Variants in SRGAP2C observed in about 807,000 individuals in gnomAD.
The protein encoded by SRGAP2C is SLIT-ROBO Rho GTPase-activating protein 2C.
Under a neutral mutation model 25.1 loss-of-function variants are expected in SRGAP2C, and 15 were observed. The ratio of observed to expected loss-of-function variants is 0.60; its 90% CI spans 0.40 to 0.92. SRGAP2C has a LOEUF of 0.92. Ranked by LOEUF, SRGAP2C falls within the 40% of genes least tolerant of loss-of-function variation. The pLI is 0.00. For synonymous variants in SRGAP2C, 44 were observed against 96.6 expected, an observed-to-expected ratio of 0.46 and a Z score of 3.19; for missense variants, 144 against 264.4, an observed-to-expected ratio of 0.54 and a Z score of 3.16.
intron 2 of SRGAP2C, among the ~76,000 whole-genome samples, chr1:121,201,829 C>T (rs1385709464): frequency 1.3e-5 from 2 of 152,182 alleles, no homozygotes; most frequent in African/African-American, 2.4e-5. Flanking sequence ...AAAGCAACTG[C>T]GTGTACTTTT....
At chr1:121,244,294 T>G (rs1656189044) in intron 2 of SRGAP2C, among the ~76,000 whole-genome samples, 1 of 117,206 alleles carries the variant, frequency 8.5e-6, no homozygotes, top group Admixed American at 8.6e-5. Context: ...TTTGTTCGCA[T>G]GTATTACTTT....
intron 4 of SRGAP2C, among the ~76,000 whole-genome samples, chr1:121,340,777 A>G (rs1658635399): frequency 6.6e-6 from 1 of 151,292 alleles, no homozygotes; most frequent in Non-Finnish European, 1.5e-5. Flanking sequence ...TCTTACAGAA[A>G]TATCTTTTGA....
chr1:121,249,578 ATATTT>A (rs1182344947), intron 2 of SRGAP2C, among the ~76,000 whole-genome samples: 23 of 23,116 alleles, frequency 9.9e-4, no homozygotes, highest in South Asian at 8.9e-3. Flanking sequence ...ATATATATAT[ATATTT>A]TTTTTTTTTT....
chr1:121,270,096 TCTA>T (rs1656905061), intron 2 of SRGAP2C, among the ~76,000 whole-genome samples: 1 of 142,246 alleles, frequency 7.0e-6, no homozygotes, highest in Non-Finnish European at 1.5e-5. Flanking sequence ...TTTTGATTGA[TCTA>T]CTGGGTGCAA....
At chr1:121,353,081 CT>C (rs1310007362) in intron 4 of SRGAP2C, among the ~76,000 whole-genome samples, 189 of 151,252 alleles carry the variant, frequency 1.2e-3, no homozygotes, top group African/African-American at 4.3e-3. Flanking sequence ...CTGAGTGAGA[CT>C]CCATCTCCAA....
intron 2 of SRGAP2C, among the ~76,000 whole-genome samples, chr1:121,263,561 A>G (rs1656685960): frequency 6.6e-6 from 1 of 151,636 alleles, no homozygotes; most frequent in Non-Finnish European, 1.5e-5. Context: ...CAAATTCTAC[A>G]GAAGTTCTAT....
intron 2 of SRGAP2C, among the ~76,000 whole-genome samples, chr1:121,188,238 T>G: frequency 6.6e-6 from 1 of 152,320 alleles, no homozygotes; most frequent in African/African-American, 2.4e-5. Flanking sequence ...GCTGTGGCCC[T>G]CTGCTCCGGA....
intron 3 of SRGAP2C, among the ~76,000 whole-genome samples, chr1:121,296,314 A>T (rs1237029365): frequency 1.3e-5 from 2 of 151,008 alleles, no homozygotes; most frequent in African/African-American, 2.4e-5. Context: ...CAATAGTAAG[A>T]GTTTAGAAGA....
chr1:121,278,267 A>G (rs1299791695), intron 2 of SRGAP2C, among the ~76,000 whole-genome samples: 4 of 151,402 alleles, frequency 2.6e-5, no homozygotes, highest in African/African-American at 4.8e-5. Context: ...CTTACTTAAT[A>G]GAGTAAAGTA....
chr1:121,328,889 T>TAAA (rs1300958463), intron 4 of SRGAP2C, among the ~76,000 whole-genome samples: 1 of 75,216 alleles, frequency 1.3e-5, no homozygotes, highest in African/African-American at 4.6e-5. Context: ...CCTGTCTGTT[T>TAAA]AAAAAAAAAA....
intron 3 of SRGAP2C, among the ~76,000 whole-genome samples, chr1:121,297,956 C>T (rs1345267607): frequency 6.8e-6 from 1 of 148,002 alleles, no homozygotes; most frequent in Non-Finnish European, 1.5e-5. Context: ...CTGGGTAAAA[C>T]ACTGGTATAT....
At chr1:121,312,554 G>A (rs1472496054) in intron 3 of SRGAP2C, among the ~76,000 whole-genome samples, 4 of 105,936 alleles carry the variant, frequency 3.8e-5, no homozygotes, top group South Asian at 3.3e-4. Context: ...TTTCTCTTGT[G>A]GGCATTTAGT....
chr1:121,260,553 T>C (rs1553333363), intron 2 of SRGAP2C, among the ~76,000 whole-genome samples: 1 of 150,900 alleles, frequency 6.6e-6, no homozygotes, highest in East Asian at 1.9e-4. Context: ...TCTACATCAA[T>C]TATATCTCTC....
At chr1:121,239,741 A>T (rs587609485) in intron 2 of SRGAP2C, among the ~76,000 whole-genome samples, 2 of 151,968 alleles carry the variant, frequency 1.3e-5, no homozygotes, top group African/African-American at 2.4e-5. Flanking sequence ...CCTGCTGCCT[A>T]TTTTTATGAA....
At position 121,228,868 on chromosome 1, in the gene SRGAP2C, C is replaced by A. The variant is rs587682184; in HGVS notation, c.67+41355C>A. 6.4e-4 allele frequency among the ~76,000 whole-genome samples: 97 copies of A among 151,346 alleles called. 1 individual carries two copies. Among genetic ancestry groups the A allele is most frequent in the African/African-American group, 2.4e-3 (97 of 41,206 alleles). On this transcript the variant is annotated intron_variant, in intron 2 of 9. Transcript: ENST00000367123. ...TGTTATGTGGGCATATTTGGTTGCC[C>A]AACTCTGAAGCCAAATGATGCCAGG...
chr1:121,222,679 GAGA>G (rs782301772), intron 2 of SRGAP2C, among the ~76,000 whole-genome samples: 63 of 152,206 alleles, frequency 4.1e-4, no homozygotes, highest in Admixed American at 9.2e-4. Context: ...GGGTTTGAGA[GAGA>G]AGAAGAGAAA....
intron 5 of SRGAP2C, among the ~76,000 whole-genome samples, chr1:121,370,864 G>C (rs1340738567): frequency 6.7e-6 from 1 of 149,754 alleles, no homozygotes; most frequent in Non-Finnish European, 1.5e-5. Context: ...TCTAGTTTTG[G>C]TTTAGGACTC....
intron 3 of SRGAP2C, among the ~76,000 whole-genome samples, chr1:121,304,210 C>CA (rs1174072520): frequency 1.3e-3 from 27 of 21,378 alleles, no homozygotes; most frequent in African/African-American, 2.8e-3. Flanking sequence ...GACTCCATAT[C>CA]AAAAAAAAAA....
intron 2 of SRGAP2C, among the ~76,000 whole-genome samples, chr1:121,238,727 C>T (rs1331417401): frequency 6.6e-6 from 1 of 151,012 alleles, no homozygotes; most frequent in Admixed American, 6.6e-5. Context: ...GATCCTCTTG[C>T]CTCAGCCTGT....
Sources: gnomAD v4.1 joint callset for allele counts (sites outside exome capture counted in the v4.1 genomes callset) on GRCh38, gnomAD v4.1.1 for gene constraint, MANE v1.5 for transcripts, NCBI Gene and HGNC (gene_info 2026-07-23, HGNC 2026-07-21) for gene names.